Variants in GALNTL6 observed in about 807,000 individuals in gnomAD.
GALNTL6 encodes the protein polypeptide N-acetylgalactosaminyltransferase like 6, also known as polypeptide N-acetylgalactosaminyltransferase-like 6.
Under a neutral mutation model 73.7 loss-of-function variants are expected in GALNTL6, and 46 were observed. That is an observed-to-expected ratio of 0.62 (90% CI 0.49 to 0.80). The LOEUF (loss-of-function observed/expected upper bound fraction) is 0.80. Ranked by LOEUF, GALNTL6 falls within the 30% of genes least tolerant of loss-of-function variation. The pLI is 0.00. For missense variants in GALNTL6, 604 were observed against 755.0 expected (o/e 0.80, Z 2.34); for synonymous variants, 259 against 263.7 (o/e 0.98, Z 0.17).
chr4:172,159,745 C>A (rs931733858), intron 2 of GALNTL6, among the ~76,000 whole-genome samples: 1 of 152,074 alleles, frequency 6.6e-6, no homozygotes. Context: ...AGTCAAAGGC[C>A]AGATGCTGAA....
intron 7 of GALNTL6, among the ~76,000 whole-genome samples, chr4:172,844,992 G>A (rs1022196467): frequency 6.6e-6 from 1 of 152,064 alleles, no homozygotes; most frequent in African/African-American, 2.4e-5. Context: ...AAGGCCGGCA[G>A]GTCATGAGGT....
chr4:172,162,673 A>G (rs1734509112), intron 2 of GALNTL6, among the ~76,000 whole-genome samples: 1 of 151,998 alleles, frequency 6.6e-6, no homozygotes, highest in African/African-American at 2.4e-5. Flanking sequence ...GCTATAGATA[A>G]TTTTGCATTC....
At chr4:172,322,900 A>G (rs994348118) in intron 4 of GALNTL6, among the ~76,000 whole-genome samples, 8 of 152,190 alleles carry the variant, frequency 5.3e-5, no homozygotes, top group Admixed American at 5.2e-4. Context: ...GCAGGACAAC[A>G]TCAAGCAAAC....
At chr4:173,032,333 C>T (rs978538670) in intron 12 of GALNTL6, among the ~76,000 whole-genome samples, 61 of 152,132 alleles carry the variant, frequency 4.0e-4, no homozygotes, top group African/African-American at 1.3e-3. Flanking sequence ...TGACTGTAGT[C>T]CCAGCTACTC....
chr4:172,844,957 T>G (rs1374655182), intron 7 of GALNTL6, among the ~76,000 whole-genome samples: 3 of 151,852 alleles, frequency 2.0e-5, no homozygotes, highest in African/African-American at 7.3e-5. Flanking sequence ...GGCTCACACC[T>G]GTAATCCCAG....
chr4:171,839,888 A>C (rs990679423), intron 2 of GALNTL6, among the ~76,000 whole-genome samples: 2 of 151,972 alleles, frequency 1.3e-5, no homozygotes, highest in Non-Finnish European at 2.9e-5. Flanking sequence ...AGTCTAAGAG[A>C]CTTTTTTGCA....
In GALNTL6 at chr4:171,827,414, C is replaced by A. The variant is rs567836474; in HGVS notation, c.138+12696C>A. On this transcript the variant is annotated intron_variant, in intron 2 of 12. Transcript: ENST00000506823. Reference sequence around the variant, plus strand: ...CTCAAGGCTCAGAAAATTTAAAGTTCCAACAACTTTAAGTTTGAATTATGT... The same window carrying A: ...CTCAAGGCTCAGAAAATTTAAAGTTACAACAACTTTAAGTTTGAATTATGT... 2.6e-4 allele frequency among the ~76,000 whole-genome samples: 39 copies of A among 152,230 alleles called. No individual in the cohort carries two copies. The East Asian group carries it at 6.2e-3, about 24-fold the overall frequency.
chr4:172,447,515 G>C (rs921199294), intron 5 of GALNTL6, among the ~76,000 whole-genome samples: 1 of 152,044 alleles, frequency 6.6e-6, no homozygotes, highest in African/African-American at 2.4e-5. Context: ...GCTTCATGTA[G>C]GTATACCTGG....
At position 172,275,230 on chromosome 4, in the gene GALNTL6, G is replaced by A. The variant is rs146405633; in HGVS notation, c.248-36384G>A. 1.4e-3 allele frequency among the ~76,000 whole-genome samples: 217 copies of A among 152,256 alleles called. 1 individual carries two copies. Among genetic ancestry groups the A allele is most frequent in the African/African-American group, 4.8e-3 (201 of 41,562 alleles). On this transcript the variant is annotated intron_variant, in intron 3 of 12. Transcript: ENST00000506823. ...CAATTAGAAACATCAAATGATGTTT[G>A]ACAAGTATATCAAATGAAATCAGGT...
At chr4:171,854,973 A>T (rs1301720248) in intron 2 of GALNTL6, among the ~76,000 whole-genome samples, 2 of 152,136 alleles carry the variant, frequency 1.3e-5, no homozygotes, top group African/African-American at 2.4e-5. Context: ...TCCTGGCTTT[A>T]TTCTGCCCCC....
At chr4:171,941,192 G>A (rs1258585255) in intron 2 of GALNTL6, among the ~76,000 whole-genome samples, 3 of 152,170 alleles carry the variant, frequency 2.0e-5, no homozygotes, top group Non-Finnish European at 2.9e-5. Flanking sequence ...GGAACCTGTA[G>A]CAAGCTCTCT....
At chr4:172,430,579 GA>G (rs758107396) in intron 5 of GALNTL6, among the ~76,000 whole-genome samples, 10 of 152,038 alleles carry the variant, frequency 6.6e-5, no homozygotes, top group Non-Finnish European at 1.2e-4. Context: ...TGGTAATGTG[GA>G]AAACAAGTAT....
intron 2 of GALNTL6, among the ~76,000 whole-genome samples, chr4:172,107,084 G>T (rs956683381): frequency 2.6e-5 from 4 of 152,148 alleles, no homozygotes; most frequent in Admixed American, 2.0e-4. Flanking sequence ...TGTTGGTCAG[G>T]CTGGTCTTGA....
chr4:172,813,357 A>C (rs1420169171), intron 6 of GALNTL6, among the ~76,000 whole-genome samples, 183 bp from the exon 7 acceptor site: 2 of 152,162 alleles, frequency 1.3e-5, no homozygotes, highest in Non-Finnish European at 1.5e-5. Context: ...AATTGGACCT[A>C]ATCGCTGTCC....
At chr4:171,894,514 G>A (rs375063275) in intron 2 of GALNTL6, among the ~76,000 whole-genome samples, 1 of 152,166 alleles carries the variant, frequency 6.6e-6, no homozygotes, top group African/African-American at 2.4e-5. Flanking sequence ...AAAAGTAACT[G>A]TAGAGAAAGA....
At chr4:171,989,249 G>A (rs928470892) in intron 2 of GALNTL6, among the ~76,000 whole-genome samples, 11 of 152,150 alleles carry the variant, frequency 7.2e-5, no homozygotes, top group Non-Finnish European at 1.0e-4. Flanking sequence ...CTTGGTGTCC[G>A]TGATGGTCTA....
At chr4:172,455,218 A>T (rs1402327722) in intron 5 of GALNTL6, among the ~76,000 whole-genome samples, 1 of 152,184 alleles carries the variant, frequency 6.6e-6, no homozygotes, top group Non-Finnish European at 1.5e-5. Context: ...CAACCCGCAG[A>T]CCAGGAGGTT....
chr4:172,578,856 C>T (rs1414488544), intron 5 of GALNTL6, among the ~76,000 whole-genome samples: 3 of 152,154 alleles, frequency 2.0e-5, no homozygotes, highest in Non-Finnish European at 2.9e-5. Flanking sequence ...TCTGCATAAG[C>T]GTATTTTCTT....
intron 5 of GALNTL6, among the ~76,000 whole-genome samples, chr4:172,476,005 A>C (rs1389068393): frequency 2.6e-5 from 4 of 152,240 alleles, no homozygotes; most frequent in Non-Finnish European, 5.9e-5. Context: ...ATATAACTGC[A>C]ATACTATAAG....
Sources: allele counts gnomAD v4.1 joint callset (sites outside exome capture counted in the v4.1 genomes callset), GRCh38; gene constraint gnomAD v4.1.1; transcripts MANE v1.5; gene names NCBI Gene and HGNC (gene_info 2026-07-23, HGNC 2026-07-21).